EPS15L1: variants seen among roughly 807,000 people sequenced by gnomAD.
The protein encoded by EPS15L1 is epidermal growth factor receptor substrate 15-like 1.
A neutral mutation model predicts 117.1 loss-of-function variants in EPS15L1; 43 were observed. The observed-to-expected ratio is 0.37, with a 90% CI of 0.29 to 0.47. EPS15L1 has a LOEUF of 0.47. EPS15L1 is among the 20% of genes least tolerant of loss of function. EPS15L1 has a pLI of 0.99. For missense variants in EPS15L1, 981 were observed against 1,164.0 expected (o/e 0.84, Z 2.29); for synonymous variants, 459 against 470.5 (o/e 0.98, Z 0.32).
At chr19:16,441,815 G>T in intron 3 of EPS15L1, 77 bp downstream of exon 3, 1 of 1,176,838 alleles carries the variant, frequency 8.5e-7, no homozygotes, top group Non-Finnish European at 1.2e-6. Context: ...AAGGAGGCCT[G>T]CACAGGCTGG....
chr19:16,471,000 G>A (rs1568479278), intron 1 of EPS15L1, among the ~76,000 whole-genome samples: 1 of 152,170 alleles, frequency 6.6e-6, no homozygotes, highest in Non-Finnish European at 1.5e-5. Context: ...ATCGGGGCTG[G>A]AGCCAAGATT....
In EPS15L1 at chr19:16,441,988, T is replaced by C. The variant is rs1335359435; in HGVS notation, c.76-7A>G. On this transcript the variant is annotated splice_region_variant and splice_polypyrimidine_tract_variant and intron_variant, in intron 2 of 23. Coordinates refer to ENST00000455140, the MANE Select transcript of EPS15L1 (RefSeq NM_001258374.3). ...CTGTGTATGCCGGATCGACCTGAAA[T>C]GGGAGACCAAGAGGCAAAATAACTT... 4 of 1,608,928 alleles carry C rather than the reference T, an allele frequency of 2.5e-6. No individual in the cohort carries two copies. In the Admixed American group the frequency reaches 6.8e-5, roughly 27 times the overall value.
intron 19 of EPS15L1, 146 bp downstream of exon 19, chr19:16,392,158 T>C (rs888613697): frequency 5.8e-6 from 5 of 869,228 alleles, no homozygotes; most frequent in Non-Finnish European, 8.8e-6. Flanking sequence ...CAGCCTGGGA[T>C]ACCAGCTCCC....
chr19:16,427,185 G>A (rs975838336), intron 8 of EPS15L1, among the ~76,000 whole-genome samples: 1 of 152,190 alleles, frequency 6.6e-6, no homozygotes, highest in African/African-American at 2.4e-5. Flanking sequence ...TTTTCTGTCG[G>A]AGGCCAAGGG....
intron 9 of EPS15L1, among the ~76,000 whole-genome samples, chr19:16,422,194 G>A (rs1568437983): frequency 6.6e-6 from 1 of 152,044 alleles, no homozygotes; most frequent in African/African-American, 2.4e-5. Flanking sequence ...GACCCCTCTC[G>A]CCACCAGCTC....
At chr19:16,433,962 CATAAATAAATAAATAA>C (rs56900530) in intron 7 of EPS15L1, among the ~76,000 whole-genome samples, 6 of 148,974 alleles carry the variant, frequency 4.0e-5, no homozygotes, top group East Asian at 2.0e-4. Flanking sequence ...GACTCCATCT[CATAAATAAATAAATAA>C]ATAAATAAAT....
intron 9 of EPS15L1, among the ~76,000 whole-genome samples, chr19:16,421,818 C>T (rs956859516): frequency 4.6e-5 from 7 of 152,110 alleles, no homozygotes; most frequent in African/African-American, 1.7e-4. Context: ...AAGACCCTCC[C>T]GAGCACCCAC....
chr19:16,411,346 G>C (rs1379481668), intron 13 of EPS15L1, among the ~76,000 whole-genome samples: 1 of 152,130 alleles, frequency 6.6e-6, no homozygotes, highest in African/African-American at 2.4e-5. Context: ...TTTCCTTTTG[G>C]GTTAATGGAA....
chr19:16,405,018 G>C lies in EPS15L1; in HGVS notation c.1267-269C>G, dbSNP rs1473243949. ...GCGAGAGAAGGGGCTGGGTCCCTGT[G>C]AGAAAAAGGCCCCAGCTCCCGGATG... On this transcript the variant is annotated intron_variant, in intron 13 of 23. Transcript: ENST00000455140. The surrounding 1 kb of genome is among the most constrained non-coding windows in gnomAD (Gnocchi z 4.0). Among the ~76,000 whole-genome samples, 1 of 152,242 alleles carries C rather than the reference G, an allele frequency of 6.6e-6. No individual in the cohort carries two copies. Among genetic ancestry groups the C allele is most frequent in the Non-Finnish European group, 1.5e-5 (1 of 68,044 alleles).
chr19:16,400,118 C>T (rs964759017), intron 16 of EPS15L1, among the ~76,000 whole-genome samples: 4 of 152,052 alleles, frequency 2.6e-5, no homozygotes, highest in African/African-American at 9.7e-5. Flanking sequence ...GGGCAGATTG[C>T]CTGAGGTCAG....
At chr19:16,436,897 T>C (rs761927152) in intron 6 of EPS15L1, 40 bp downstream of exon 6, 21 of 1,507,208 alleles carry the variant, frequency 1.4e-5, no homozygotes, top group Non-Finnish European at 1.8e-5. Flanking sequence ...CAATTCTATC[T>C]GAAGGAGAGC....
intron 1 of EPS15L1, among the ~76,000 whole-genome samples, chr19:16,446,542 T>G (rs2093085127): frequency 6.6e-6 from 1 of 152,164 alleles, no homozygotes; most frequent in African/African-American, 2.4e-5. Flanking sequence ...AAAGGGCAGG[T>G]AATATTACTA....
Position 16,392,409 on chromosome 19 carries a change from A to C in EPS15L1, c.1998T>G (p.Ser666Arg). The C allele has an allele frequency of 1.2e-6, 2 of 1,614,186 alleles. No individual in the cohort carries two copies. Among genetic ancestry groups the C allele is most frequent in the Non-Finnish European group, 1.7e-6 (2 of 1,179,972 alleles). Reference protein sequence around the residue: ...DPFGGDPFKESDPFRGSATDD... With the variant: ...DPFGGDPFKERDPFRGSATDD... The stretch of plus-strand genomic sequence containing the variant: ...CAGTGGCAGAGCCACGGAATGGGTC[A>C]CTTTCTTTGAAAGGGTCCCCTCCAA... Residue 666 changes from serine (S) to arginine (R), a missense_variant, in exon 19 of 24, where the codon AGT (serine) becomes AGG (arginine). Physicochemically the swap from Ser to Arg is moderately radical, Grantham distance 110. Transcript: ENST00000455140.
intron 9 of EPS15L1, among the ~76,000 whole-genome samples, chr19:16,424,539 G>A (rs925936274): frequency 1.3e-5 from 2 of 151,924 alleles, no homozygotes; most frequent in Non-Finnish European, 2.9e-5. Flanking sequence ...GGCTGGGCAC[G>A]GTGGCTCACA....
chr19:16,413,099 C>T (rs2092723430), intron 13 of EPS15L1: 5 of 685,246 alleles, frequency 7.3e-6, no homozygotes, highest in Non-Finnish European at 1.3e-5. Context: ...ACTACAATGG[C>T]CACATCGGTC....
At chr19:16,468,108 G>A (rs560447001) in intron 1 of EPS15L1, among the ~76,000 whole-genome samples, 38 of 152,236 alleles carry the variant, frequency 2.5e-4, no homozygotes, top group African/African-American at 6.3e-4. Flanking sequence ...AGGGACCCAC[G>A]GAAGGTACAA....
chr19:16,453,366 C>T (rs1208739658), intron 1 of EPS15L1, among the ~76,000 whole-genome samples: 3 of 152,088 alleles, frequency 2.0e-5, no homozygotes, highest in African/African-American at 7.2e-5. Flanking sequence ...GGGCCTCCCA[C>T]GGTGCTGGGA....
intron 7 of EPS15L1, 79 bp downstream of exon 7, chr19:16,434,286 C>T: frequency 6.5e-7 from 1 of 1,539,908 alleles, no homozygotes; most frequent in Non-Finnish European, 8.8e-7. Flanking sequence ...CTTGTAAGCA[C>T]CATGGGGAAA....
At chr19:16,443,109 A>C (rs2093048762) in intron 1 of EPS15L1, among the ~76,000 whole-genome samples, 1 of 152,242 alleles carries the variant, frequency 6.6e-6, no homozygotes. Context: ...GAGGTGAAAA[A>C]AGAGCACACA....
Sources: allele counts gnomAD v4.1 joint callset (sites outside exome capture counted in the v4.1 genomes callset), GRCh38; gene constraint gnomAD v4.1.1; non-coding constraint Gnocchi (gnomAD v3.1); transcripts MANE v1.5; gene names NCBI Gene and HGNC (gene_info 2026-07-23, HGNC 2026-07-21).